HDAC9: variants seen among roughly 807,000 people sequenced by gnomAD.
The protein encoded by HDAC9 is MEF-2 interacting transcription repressor (MITR) protein.
Under a neutral mutation model 139.4 loss-of-function variants are expected in HDAC9, and 41 were observed. That is an observed-to-expected ratio of 0.29 (90% CI 0.23 to 0.38). The LOEUF (loss-of-function observed/expected upper bound fraction) is 0.38. Among genes scored for constraint, HDAC9 ranks in the 10% least tolerant of loss-of-function variants. The pLI, the probability that HDAC9 is intolerant of heterozygous loss-of-function variation, is 1.00. For missense variants in HDAC9, 1,147 were observed against 1,297.0 expected, an observed-to-expected ratio of 0.88 and a Z score of 1.78; for synonymous variants, 517 against 476.2, an observed-to-expected ratio of 1.09 and a Z score of -1.12.
At chr7:18,266,431 A>G (rs1796007322) in intron 2 of HDAC9, among the ~76,000 whole-genome samples, 2 of 152,134 alleles carry the variant, frequency 1.3e-5, no homozygotes, top group African/African-American at 4.8e-5. Flanking sequence ...TCTGTTTTTA[A>G]GAAAACAGCT....
At chr7:18,789,284 ACG>A (rs969065928) in intron 16 of HDAC9, among the ~76,000 whole-genome samples, 3 of 139,410 alleles carry the variant, frequency 2.2e-5, no homozygotes, top group Admixed American at 7.0e-5. Flanking sequence ...AGACACATAC[ACG>A]CACACACACA....
intron 24 of HDAC9, among the ~76,000 whole-genome samples, chr7:18,956,321 T>C (rs1783141586): frequency 6.6e-6 from 1 of 152,166 alleles, no homozygotes; most frequent in South Asian, 2.1e-4. Flanking sequence ...TTCAGCGGTA[T>C]ATTTATTTTC....
chr7:18,337,382 C>T (rs1781661726), intron 1 of HDAC9, among the ~76,000 whole-genome samples: 1 of 151,628 alleles, frequency 6.6e-6, no homozygotes, highest in African/African-American at 2.4e-5. Flanking sequence ...CTAGCTAAAT[C>T]AACTACATGG....
intron 22 of HDAC9, among the ~76,000 whole-genome samples, chr7:18,902,212 T>TACA (rs954591782): frequency 7.9e-5 from 12 of 152,306 alleles, no homozygotes; most frequent in African/African-American, 2.9e-4. Flanking sequence ...TGCTTTCTCT[T>TACA]ACAACTTGAA....
chr7:18,888,390 A>C (rs1299044016), intron 22 of HDAC9, among the ~76,000 whole-genome samples: 2 of 152,198 alleles, frequency 1.3e-5, no homozygotes, highest in African/African-American at 4.8e-5. Context: ...GTGTCACTGC[A>C]CTCCAGCCTG....
intron 11 of HDAC9, among the ~76,000 whole-genome samples, chr7:18,659,280 T>C (rs1489157763): frequency 6.6e-6 from 1 of 152,146 alleles, no homozygotes; most frequent in Non-Finnish European, 1.5e-5. Context: ...TACACAGAGG[T>C]GAACTTAAAG....
At chr7:18,386,669 G>T (rs1011146171) in intron 1 of HDAC9, among the ~76,000 whole-genome samples, 5 of 152,150 alleles carry the variant, frequency 3.3e-5, no homozygotes, top group Non-Finnish European at 7.4e-5. Context: ...AGCCTAGTTA[G>T]AGTAATCAAA....
At chr7:18,940,335 C>CATATAAT (rs1781940989) in intron 23 of HDAC9, among the ~76,000 whole-genome samples, 1 of 152,078 alleles carries the variant, frequency 6.6e-6, no homozygotes, top group African/African-American at 2.4e-5. Context: ...TGTACAAGGT[C>CATATAAT]AGTCAAAATA....
intron 2 of HDAC9, among the ~76,000 whole-genome samples, chr7:18,245,230 A>G (rs182097313): frequency 6.6e-6 from 1 of 152,278 alleles, no homozygotes; most frequent in Admixed American, 6.5e-5. Context: ...GCTTAGTACT[A>G]ATTCTTTCTC....
Position 18,301,075 on chromosome 7 carries a change from G to GT in HDAC9, c.-42+10569dup, listed in dbSNP as rs35318493. 1.0e-3 allele frequency among the ~76,000 whole-genome samples: 156 copies of GT among 150,610 alleles called. 1 individual carries two copies. The highest frequency in any genetic ancestry group is 3.2e-3 in the African/African-American group (132 of 41,038). The stretch of plus-strand genomic sequence containing the variant: ...ATTTTTTTCTCTGGATGAAAACACT[G>GT]TTTTTTTTTCCCGCAATGCAATTTT... On this transcript the variant is annotated intron_variant, in intron 1 of 3. Transcript: ENST00000413509.
chr7:18,750,977 T>A (rs1341215351), intron 14 of HDAC9, among the ~76,000 whole-genome samples: 1 of 152,170 alleles, frequency 6.6e-6, no homozygotes, highest in Admixed American at 6.6e-5. Context: ...TCGAATGCCT[T>A]GTTAGATAGT....
chr7:18,686,686 C>T (rs992247346), intron 12 of HDAC9, among the ~76,000 whole-genome samples: 1 of 151,870 alleles, frequency 6.6e-6, no homozygotes, highest in Non-Finnish European at 1.5e-5. Flanking sequence ...GCTGAAGTCT[C>T]TTTAACCTAC....
intron 21 of HDAC9, among the ~76,000 whole-genome samples, chr7:18,853,243 A>G (rs1562990759): frequency 6.6e-6 from 1 of 152,168 alleles, no homozygotes; most frequent in Admixed American, 6.5e-5. Context: ...AATATTAAAT[A>G]AATATGTCCA....
At chr7:18,104,452 A>T (rs970127456) in intron 1 of HDAC9, among the ~76,000 whole-genome samples, 37 of 152,180 alleles carry the variant, frequency 2.4e-4, no homozygotes, top group Non-Finnish European at 3.4e-4. Context: ...ATTTAAAAAA[A>T]GATTTGAGGC....
At chr7:18,498,523 G>A (rs1797539262) in intron 2 of HDAC9, among the ~76,000 whole-genome samples, 1 of 152,124 alleles carries the variant, frequency 6.6e-6, no homozygotes, top group African/African-American at 2.4e-5. Flanking sequence ...TTAGGGGTAT[G>A]TTTGTCTTAA....
At chr7:18,260,040 C>T (rs1795547282) in intron 2 of HDAC9, among the ~76,000 whole-genome samples, 1 of 151,982 alleles carries the variant, frequency 6.6e-6, no homozygotes, top group Admixed American at 6.6e-5. Context: ...TTTTTCTTTC[C>T]TATATGGGCT....
In HDAC9 at chr7:18,381,515, C is replaced by A. The variant is rs375057163; in HGVS notation, c.-42+91000C>A. Among the ~76,000 whole-genome samples, 8 of 151,874 alleles carry A rather than the reference C, an allele frequency of 5.3e-5. No individual in the cohort carries two copies. In the East Asian group the frequency reaches 1.5e-3, roughly 29 times the overall value. ...AAAGGAAATAAAAACTAATCACTGACAAGAAAATAGTGGCAATGATGGGAT... is the reference window on the plus strand; with the variant it reads ...AAAGGAAATAAAAACTAATCACTGAAAAGAAAATAGTGGCAATGATGGGAT... On this transcript the variant is annotated intron_variant, in intron 1 of 3. Transcript: ENST00000413509.
chr7:18,646,428 C>T (rs2129025385), intron 9 of HDAC9, among the ~76,000 whole-genome samples: 1 of 152,188 alleles, frequency 6.6e-6, no homozygotes, highest in African/African-American at 2.4e-5. Flanking sequence ...TCTTTGCTTC[C>T]ATTTTGGTGT....
chr7:18,589,450 C>T (rs1379579267), intron 3 of HDAC9, among the ~76,000 whole-genome samples: 1 of 152,156 alleles, frequency 6.6e-6, no homozygotes, highest in Admixed American at 6.5e-5. Context: ...GGGAGTATCG[C>T]TTGAGCCCAG....
Sources: gnomAD v4.1 joint callset for allele counts (sites outside exome capture counted in the v4.1 genomes callset) on GRCh38, gnomAD v4.1.1 for gene constraint, MANE v1.5 for transcripts, NCBI Gene and HGNC (gene_info 2026-07-23, HGNC 2026-07-21) for gene names.